Variants in ADAMTSL1 observed in about 807,000 individuals in gnomAD.
ADAMTSL1 encodes the protein ADAMTS like 1, also known as ADAMTS-like protein 1.
Under a neutral mutation model 201.8 loss-of-function variants are expected in ADAMTSL1, and 126 were observed. The ratio of observed to expected loss-of-function variants is 0.62; its 90% confidence interval spans 0.54 to 0.72. The LOEUF is 0.72. ADAMTSL1 is among the 30% of genes least tolerant of loss of function. The probability of loss-of-function intolerance (pLI) is 0.00; values close to 1 mark genes in which losing one functional copy is unlikely to be tolerated. For synonymous variants in ADAMTSL1, 1,121 were observed against 903.4 expected, an observed-to-expected ratio of 1.24 and a Z score of -4.32; for missense variants, 2,679 against 2,277.8, an observed-to-expected ratio of 1.18 and a Z score of -3.59.
intron 23 of ADAMTSL1, among the ~76,000 whole-genome samples, chr9:18,838,387 AC>A (rs1563844477): frequency 1.2e-4 from 18 of 150,426 alleles, no homozygotes; most frequent in Non-Finnish European, 1.9e-4. Flanking sequence ...ACACACACAC[AC>A]ACACACACAC....
At chr9:18,151,042 C>T (rs767654667) in intron 1 of ADAMTSL1, among the ~76,000 whole-genome samples, 17 of 151,934 alleles carry the variant, frequency 1.1e-4, no homozygotes, top group Non-Finnish European at 2.1e-4. Context: ...ACATTTAAAA[C>T]CATTCAACTC....
At chr9:18,823,248 T>C (rs1824324633) in intron 21 of ADAMTSL1, among the ~76,000 whole-genome samples, 1 of 152,226 alleles carries the variant, frequency 6.6e-6, no homozygotes, top group South Asian at 2.1e-4. Context: ...TTCTCTTCCC[T>C]TGGGACTGCT....
chr9:18,099,326 A>AATAT lies in ADAMTSL1; in HGVS notation c.88-64509_88-64506dup, dbSNP rs71333027. ...TGTTTTTGCTTTGCTGCAAATGGAA[A>AATAT]ATATATATATATATATATATATATA... On this transcript the variant is annotated intron_variant, in intron 1 of 29. Transcript: ENST00000680146. Among the ~76,000 whole-genome samples, 94 of 57,578 alleles carry AATAT rather than the reference A, an allele frequency of 1.6e-3. 2 individuals are homozygous for AATAT. In the East Asian group the frequency reaches 0.026, roughly 16 times the overall value. The allele number at this position is 57,578 out of a possible 152,430, so 37.8% of individuals were successfully genotyped here.
chr9:18,830,275 T>G (rs76707987), intron 23 of ADAMTSL1, among the ~76,000 whole-genome samples: 1 of 152,116 alleles, frequency 6.6e-6, no homozygotes, highest in African/African-American at 2.4e-5. Context: ...TCTTGAAACT[T>G]TGAGAAAGTT....
chr9:18,844,771 G>A (rs140661737), intron 23 of ADAMTSL1, among the ~76,000 whole-genome samples: 5,857 of 152,312 alleles, frequency 0.038, 153 homozygotes, highest in South Asian at 0.092. Flanking sequence ...CCTTGCTGCC[G>A]CATTGCAGTT....
chr9:18,010,873 A>G (rs1182284156), intron 1 of ADAMTSL1, among the ~76,000 whole-genome samples: 1 of 152,034 alleles, frequency 6.6e-6, no homozygotes, highest in African/African-American at 2.4e-5. Flanking sequence ...TTATGTGATC[A>G]CTGTATCCTG....
chr9:18,667,316 A>G lies in ADAMTSL1; in HGVS notation c.1085+5243A>G, dbSNP rs552127466. 7.9e-5 allele frequency among the ~76,000 whole-genome samples: 12 copies of G among 151,702 alleles called. No homozygotes were observed. In the East Asian group the frequency reaches 2.1e-3, roughly 27 times the overall value. ...AAAAGTCTCAAATTCTAATGCAACT[A>G]TGAAGAAATACCCTGTATTAGAACA... On this transcript the variant is annotated intron_variant, in intron 9 of 28. Coordinates refer to ENST00000380548, the MANE Select transcript of ADAMTSL1 (RefSeq NM_001040272.6).
intron 1 of ADAMTSL1, among the ~76,000 whole-genome samples, chr9:18,087,348 A>C (rs955778764): frequency 6.6e-6 from 1 of 152,136 alleles, no homozygotes; most frequent in Non-Finnish European, 1.5e-5. Context: ...AAAGCAATTA[A>C]GTTTGTGCAA....
chr9:18,482,373 C>T (rs1049751105), intron 1 of ADAMTSL1, among the ~76,000 whole-genome samples: 7 of 152,210 alleles, frequency 4.6e-5, no homozygotes, highest in African/African-American at 1.2e-4. Context: ...TTAATTTTCA[C>T]GGAGTTTCCA....
intron 2 of ADAMTSL1, among the ~76,000 whole-genome samples, chr9:18,397,821 C>T (rs1817814598): frequency 6.6e-6 from 1 of 152,222 alleles, no homozygotes; most frequent in Non-Finnish European, 1.5e-5. Context: ...AGCATCTATA[C>T]CTCATTGTCC....
intron 7 of ADAMTSL1, among the ~76,000 whole-genome samples, chr9:18,657,278 C>G (rs146328865): frequency 1.3e-4 from 20 of 152,294 alleles, no homozygotes; most frequent in African/African-American, 4.1e-4. Flanking sequence ...TTGTCTATTT[C>G]TGAATCTACA....
intron 4 of ADAMTSL1, among the ~76,000 whole-genome samples, chr9:18,588,904 C>CATATAT (rs1280236981): frequency 0.018 from 2,222 of 124,490 alleles, 37 homozygotes; most frequent in Non-Finnish European, 0.027. Context: ...TATATATATA[C>CATATAT]ATATATATAC....
intron 1 of ADAMTSL1, among the ~76,000 whole-genome samples, chr9:18,126,048 G>A (rs567792951): frequency 3.9e-5 from 6 of 152,220 alleles, no homozygotes; most frequent in South Asian, 2.1e-4. Flanking sequence ...CCTCAACACC[G>A]TCATGGAGCT....
intron 1 of ADAMTSL1, among the ~76,000 whole-genome samples, chr9:18,498,788 C>T (rs913748607): frequency 4.6e-5 from 7 of 152,174 alleles, no homozygotes; most frequent in African/African-American, 1.7e-4. Flanking sequence ...CTCACAGCCT[C>T]AATTTTCTTA....
chr9:18,413,145 AATT>A (rs771927829), intron 2 of ADAMTSL1, among the ~76,000 whole-genome samples: 3 of 84,046 alleles, frequency 3.6e-5, no homozygotes, highest in Non-Finnish European at 4.6e-5. Context: ...CTCTAAGGAT[AATT>A]TTTTTTTTTT....
chr9:18,262,217 C>G (rs1831950700), intron 2 of ADAMTSL1, among the ~76,000 whole-genome samples: 1 of 151,986 alleles, frequency 6.6e-6, no homozygotes, highest in Non-Finnish European at 1.5e-5. Context: ...AGAGTAATGA[C>G]TGGTGGAGTA....
rs549679331 is a variant in ADAMTSL1 at position 18,487,548 on chromosome 9, GA to G, written c.63+13260del. ...AATGTCTTTAGACTTAGCAAAAGGG[GA>G]AAAAAAGTTAATTTCAGTCTCCTCC... On this transcript the variant is annotated intron_variant, in intron 1 of 28. Transcript: ENST00000380548. Among the ~76,000 whole-genome samples, 66 of 152,050 alleles carry G rather than the reference GA, an allele frequency of 4.3e-4. 1 individual carries two copies. The highest frequency in any genetic ancestry group is 1.2e-4 in the Non-Finnish European group (8 of 67,990).
At chr9:18,782,721 T>A (rs1821469445) in intron 19 of ADAMTSL1, among the ~76,000 whole-genome samples, 2 of 152,196 alleles carry the variant, frequency 1.3e-5, no homozygotes, top group African/African-American at 4.8e-5. Flanking sequence ...TAGATGGATG[T>A]GCTAAGGAGA....
intron 2 of ADAMTSL1, among the ~76,000 whole-genome samples, chr9:18,395,705 G>A (rs946307071): frequency 6.6e-6 from 1 of 152,138 alleles, no homozygotes; most frequent in African/African-American, 2.4e-5. Flanking sequence ...AGACCTCTGA[G>A]CCTGTGTATT....
Sources: gnomAD v4.1 joint callset for allele counts (sites outside exome capture counted in the v4.1 genomes callset) on GRCh38, gnomAD v4.1.1 for gene constraint, MANE v1.5 for transcripts, NCBI Gene and HGNC (gene_info 2026-07-23, HGNC 2026-07-21) for gene names.